Variants in GALT observed in about 807,000 individuals in gnomAD.
The protein encoded by GALT is UDP-glucose--hexose-1-phosphate uridylyltransferase.
GALT carries 42 observed loss-of-function variants against 55.4 expected under a neutral mutation model. The ratio of observed to expected loss-of-function variants is 0.76; its 90% CI spans 0.59 to 0.98. The LOEUF is 0.98. GALT is among the 50% of genes least tolerant of loss of function. The pLI is 0.00. For missense variants in GALT, 407 were observed against 495.7 expected, an observed-to-expected ratio of 0.82 and a Z score of 1.70; for synonymous variants, 154 against 181.5, an observed-to-expected ratio of 0.85 and a Z score of 1.22.
rs1337583409 is a variant in GALT, at chr9:34,647,283, G to A, written c.252+25G>A. 6.2e-7 allele frequency: 1 copy of A among 1,613,638 alleles called. No homozygotes were observed. Among genetic ancestry groups the A allele is most frequent in the South Asian group, 1.1e-5 (1 of 91,074 alleles). ...GGTAAGCCTGTAGAGCCCTGCATCT[G>A]CAGGCTGGGCCACGGGGAGTAGTTC... On this transcript the variant is annotated intron_variant, in intron 2 of 10. Transcript: ENST00000378842. This position sits in a 1 kb window ranked among gnomAD's most constrained non-coding sequence, Gnocchi z 5.6.
At chr9:34,649,125 T>C in intron 9 of GALT, 44 bp downstream of exon 9, 1 of 1,568,348 alleles carries the variant, frequency 6.4e-7, no homozygotes, top group Non-Finnish European at 8.8e-7. Flanking sequence ...ACACCATTTC[T>C]GGGCTCCTGG....
rs774881711 is a variant in GALT at position 34,647,035 on chromosome 9, A to G, written c.83-54A>G. 6.2e-7 allele frequency: 1 copy of G among 1,613,010 alleles called. No homozygotes were observed. Among genetic ancestry groups the G allele is most frequent in the Non-Finnish European group, 8.5e-7 (1 of 1,179,440 alleles). The stretch of plus-strand genomic sequence containing the variant: ...TTGGGCCTGCTGGTGGGTGAGACCC[A>G]GGAGAGAGGGAGCTAGAGAGCTCTG... On this transcript the variant is annotated intron_variant, in intron 1 of 10. Transcript: ENST00000378842. This position sits in a 1 kb window ranked among gnomAD's most constrained non-coding sequence, Gnocchi z 5.6.
chr9:34,648,963 T>C lies in GALT; in HGVS notation c.821-35T>C, dbSNP rs1368829509. ...GGTTGCTCCCAGTAGGGTCAGCATC[T>C]GGACCCCAGGCTGAGAGTCAGGCTC... On this transcript the variant is annotated intron_variant, in intron 8 of 10. Transcript: ENST00000378842. The surrounding 1 kb of genome is among the most constrained non-coding windows in gnomAD (Gnocchi z 4.9). 1 of 1,613,776 alleles carries C rather than the reference T, an allele frequency of 6.2e-7. No individual in the cohort carries two copies. Among genetic ancestry groups the C allele is most frequent in the South Asian group, 1.1e-5 (1 of 91,070 alleles).
rs770786546 is a variant in GALT at position 34,648,258 on chromosome 9, G to C, written c.565-76G>C. On this transcript the variant is annotated intron_variant, in intron 6 of 10. Transcript: ENST00000378842. The surrounding 1 kb of genome is among the most constrained non-coding windows in gnomAD (Gnocchi z 4.9). ...GGGAACAGGATTAATGGATGGGACA[G>C]AGGAAATATGCCAATGATGTGGAGG... The C allele has an allele frequency of 6.2e-7, 1 of 1,613,686 alleles. No individual in the cohort carries two copies. The highest frequency in any genetic ancestry group is 1.3e-5 in the African/African-American group (1 of 74,898).
At position 34,646,703 on chromosome 9, in the gene GALT, T is replaced by A; in HGVS notation, c.-2T>A. On this transcript the variant is annotated 5_prime_UTR_variant, in exon 1 of 11. Coordinates refer to ENST00000378842, the MANE Select transcript of GALT (RefSeq NM_000155.4). ...TTTTCCAGCGGATCCCCCGGTGGCC[T>A]CATGTCGCGCAGTGGAACCGATCCT... The A allele has an allele frequency of 6.2e-7, 1 of 1,613,704 alleles. No homozygotes were observed. The highest frequency in any genetic ancestry group is 8.5e-7 in the Non-Finnish European group (1 of 1,179,954).
In GALT at chr9:34,648,632, A is replaced by G; in HGVS notation, c.688-130A>G. ...GATGGTGACTTAGACTCGGGTGGTT[A>G]GTGGTAGAGGTGGTGAGAAGACATC... On this transcript the variant is annotated intron_variant, in intron 7 of 10. Coordinates refer to ENST00000378842, the MANE Select transcript of GALT (RefSeq NM_000155.4). This position sits in a 1 kb window ranked among gnomAD's most constrained non-coding sequence, Gnocchi z 4.9. 6.7e-7 allele frequency: 1 copy of G among 1,483,424 alleles called. No individual in the cohort carries two copies. Among genetic ancestry groups the G allele is most frequent in the South Asian group, 1.1e-5 (1 of 87,874 alleles). 91.9% of individuals were successfully genotyped at this position (1,483,424 alleles called of 1,614,324 possible). A position where few individuals can be genotyped will look rare whatever the true frequency, so the allele number is the denominator to read the frequency against.
chr9:34,649,902 AC>A (rs1821211540), intron 10 of GALT: 2 of 302,554 alleles, frequency 6.6e-6, no homozygotes, highest in Non-Finnish European at 6.2e-6. Flanking sequence ...CCACAGGCCC[AC>A]CCCCAGTGGG....
chr9:34,648,488 GA>G lies in GALT; in HGVS notation c.687+33del. ...GAGAGCCAAGCCCTGTGTCCCCAAG[GA>G]GTCCCTAACTTTCTTATCCCATGAG... is the stretch of plus-strand genomic sequence containing the variant. On this transcript the variant is annotated intron_variant, in intron 7 of 10. Transcript: ENST00000378842. This position sits in a 1 kb window ranked among gnomAD's most constrained non-coding sequence, Gnocchi z 4.9. 6.2e-7 allele frequency: 1 copy of G among 1,614,034 alleles called. No individual in the cohort carries two copies. Among genetic ancestry groups the G allele is most frequent in the Non-Finnish European group, 8.5e-7 (1 of 1,180,012 alleles).
Position 34,649,088 on chromosome 9 carries a change from C to A in GALT, c.904+7C>A, listed in dbSNP as rs1564102104. 3 of 1,612,614 alleles carry A rather than the reference C, an allele frequency of 1.9e-6. No homozygotes were observed. The highest frequency in any genetic ancestry group is 2.5e-6 in the Non-Finnish European group (3 of 1,178,618). On this transcript the variant is annotated splice_region_variant and intron_variant, in intron 9 of 10. Transcript: ENST00000378842. ...TACTCCATGGGCTGGCATGGTGAGG[C>A]TTTTCAAGTACCTATATTTAGCCCC...
rs1821171675 is a variant in GALT, at chr9:34,648,641, G to A, written c.688-121G>A. 2 of 1,494,416 alleles carry A rather than the reference G, an allele frequency of 1.3e-6. No individual in the cohort carries two copies. Among genetic ancestry groups the A allele is most frequent in the Non-Finnish European group, 1.9e-6 (2 of 1,079,216 alleles). 92.6% of individuals were successfully genotyped at this position (1,494,416 alleles called of 1,614,324 possible). ...TTAGACTCGGGTGGTTAGTGGTAGA[G>A]GTGGTGAGAAGACATCAGATCCTGG... On this transcript the variant is annotated intron_variant, in intron 7 of 10. Transcript: ENST00000378842. This position sits in a 1 kb window ranked among gnomAD's most constrained non-coding sequence, Gnocchi z 4.9.
Position 34,648,416 on chromosome 9 carries a change from C to A in GALT, c.647C>A (p.Pro216His). The change falls in exon 7 of 11, where the codon CCC becomes CAC. Residue 216 changes from proline (P) to histidine (H), a missense_variant. Pro to His is a moderately conservative substitution (Grantham distance 77). Transcript: ENST00000378842. The surrounding 1 kb of genome is among the most constrained non-coding windows in gnomAD (Gnocchi z 4.9). Reference sequence around the variant, plus strand: ...GCCTATAAGAGTCAGCATGGAGAGCCCCTGCTAATGGAGTACAGCCGCCAG... The same window carrying A: ...GCCTATAAGAGTCAGCATGGAGAGCACCTGCTAATGGAGTACAGCCGCCAG... ...QQAYKSQHGE[P>H]LLMEYSRQEL... 1 of 1,614,128 alleles carries A rather than the reference C, an allele frequency of 6.2e-7. No individual in the cohort carries two copies. Among genetic ancestry groups the A allele is most frequent in the Non-Finnish European group, 8.5e-7 (1 of 1,180,032 alleles).
Position 34,649,438 on chromosome 9 carries a change from C to T in GALT, c.933C>T (p.Ala311=), listed in dbSNP as rs2132346233. The stretch of plus-strand genomic sequence containing the variant: ...CTCCCACAGGATCAGAGGCTGGGGC[C>T]AACTGGAACCATTGGCAGCTGCACG... ...HGAPTGSEAG[A]NWNHWQLHAH... The change falls in exon 10 of 11, where the codon GCC becomes GCT. Residue 311 remains alanine (A), a synonymous_variant. Coordinates refer to ENST00000378842, the MANE Select transcript of GALT (RefSeq NM_000155.4). 2 of 1,614,158 alleles carry T rather than the reference C, an allele frequency of 1.2e-6. No individual in the cohort carries two copies. Among genetic ancestry groups the T allele is most frequent in the Non-Finnish European group, 1.7e-6 (2 of 1,180,034 alleles).
Position 34,647,578 on chromosome 9 carries a change from T to C in GALT, c.328+11T>C. 2 of 1,614,104 alleles carry C rather than the reference T, an allele frequency of 1.2e-6. No individual in the cohort carries two copies. Among genetic ancestry groups the C allele is most frequent in the Middle Eastern group, 1.6e-4 (1 of 6,062 alleles). On this transcript the variant is annotated intron_variant, in intron 3 of 10. Coordinates refer to ENST00000378842, the MANE Select transcript of GALT (RefSeq NM_000155.4). This position sits in a 1 kb window ranked among gnomAD's most constrained non-coding sequence, Gnocchi z 5.6. ...ATGCCCCCAGTCCAGGTAACCTGGC[T>C]CCAACTGCTGCTGGGGAGGAGGGTG... is the stretch of plus-strand genomic sequence containing the variant.
chr9:34,648,653 A>T lies in GALT; in HGVS notation c.688-109A>T. On this transcript the variant is annotated intron_variant, in intron 7 of 10. Transcript: ENST00000378842. The surrounding 1 kb of genome is among the most constrained non-coding windows in gnomAD (Gnocchi z 4.9). ...GGTTAGTGGTAGAGGTGGTGAGAAGACATCAGATCCTGGGCACATTCTTTT... is the reference window on the plus strand; with the variant it reads ...GGTTAGTGGTAGAGGTGGTGAGAAGTCATCAGATCCTGGGCACATTCTTTT... 6.6e-7 allele frequency: 1 copy of T among 1,513,506 alleles called. No homozygotes were observed. Among genetic ancestry groups the T allele is most frequent in the East Asian group, 2.3e-5 (1 of 44,418 alleles). 93.8% of individuals were successfully genotyped at this position (1,513,506 alleles called of 1,614,324 possible). A position where few individuals can be genotyped will look rare whatever the true frequency, so the allele number is the denominator to read the frequency against.
intron 10 of GALT, 80 bp downstream of exon 10, chr9:34,649,644 T>G: frequency 3.3e-6 from 5 of 1,534,716 alleles, no homozygotes; most frequent in South Asian, 1.1e-5. Context: ...GTTGCCCTTG[T>G]GCTCCAGTCA....
rs1821230496 is a variant in GALT, at chr9:34,650,451, C to T, written c.*2C>T. On this transcript the variant is annotated 3_prime_UTR_variant, in exon 11 of 11. Transcript: ENST00000378842. ...AGGGAGACAGCAACCATCGCCTGAC[C>T]ACGCCGACCACAGGGCCTTGAATCC... 1 of 1,613,806 alleles carries T rather than the reference C, an allele frequency of 6.2e-7. No individual in the cohort carries two copies. The highest frequency in any genetic ancestry group is 1.1e-5 in the South Asian group (1 of 91,058).
intron 10 of GALT, chr9:34,650,078 G>A: frequency 2.5e-6 from 1 of 405,518 alleles, no homozygotes; most frequent in East Asian, 4.8e-5. Context: ...CCAGAAGTTC[G>A]AGACTAGCCT....
Position 34,649,463 on chromosome 9 carries a change from G to C in GALT, c.958G>C (p.Ala320Pro). The C allele has an allele frequency of 6.2e-7, 1 of 1,614,136 alleles. No homozygotes were observed. Residue 320 changes from alanine (A) to proline (P), a missense_variant, in exon 10 of 11, where the codon GCT becomes CCT. Physicochemically the swap from Ala to Pro is conservative, Grantham distance 27 (BLOSUM62 -1). Transcript: ENST00000378842. ...CAACTGGAACCATTGGCAGCTGCAC[G>C]CTCATTACTACCCTCCGCTCCTGCG... ...GANWNHWQLH[A>P]HYYPPLLRSA... is the part of the protein sequence containing the mutation.
chr9:34,650,482 T>G lies in GALT; in HGVS notation c.*33T>G. On this transcript the variant is annotated 3_prime_UTR_variant, in exon 11 of 11. Coordinates refer to ENST00000378842, the MANE Select transcript of GALT (RefSeq NM_000155.4). The stretch of plus-strand genomic sequence containing the variant: ...GACCACAGGGCCTTGAATCCTTTTT[T>G]GTTTTCAACAGTCTTGCTGAATTAA... 2 of 1,599,562 alleles carry G rather than the reference T, an allele frequency of 1.3e-6. No homozygotes were observed. Among genetic ancestry groups the G allele is most frequent in the Non-Finnish European group, 1.7e-6 (2 of 1,167,080 alleles).
Sources: gnomAD v4.1 joint callset for allele counts on GRCh38, gnomAD v4.1.1 for gene constraint, Gnocchi (gnomAD v3.1) non-coding constraint, MANE v1.5 for transcripts, NCBI Gene and HGNC (gene_info 2026-07-23, HGNC 2026-07-21) for gene names.